HEMK2: variants seen among roughly 807,000 people sequenced by gnomAD.
HEMK2 encodes the protein methyltransferase HEMK2.
At chr21:28,596,037 G>A in the HEMK2 span, among the ~76,000 whole-genome samples, 1 of 147,658 alleles carries the variant, frequency 6.8e-6, no homozygotes, top group African/African-American at 2.5e-5. Context: ...GCCCGCCTTG[G>A]CCTCCCAATA....
the HEMK2 span, among the ~76,000 whole-genome samples, chr21:28,634,062 C>T: frequency 6.6e-6 from 1 of 152,178 alleles, no homozygotes; most frequent in African/African-American, 2.4e-5. Context: ...TGACTGACTG[C>T]CCGTGGCGTC....
chr21:28,778,883 T>C, the HEMK2 span, among the ~76,000 whole-genome samples: 1 of 152,218 alleles, frequency 6.6e-6, no homozygotes, highest in East Asian at 1.9e-4. Flanking sequence ...CTATATATTA[T>C]ATTTCCATCC....
At chr21:28,739,834 A>G in the HEMK2 span, among the ~76,000 whole-genome samples, 2 of 152,234 alleles carry the variant, frequency 1.3e-5, no homozygotes, top group Non-Finnish European at 2.9e-5. Flanking sequence ...AGAAGCCAGG[A>G]AAGAAGGTTA....
the HEMK2 span, among the ~76,000 whole-genome samples, chr21:28,687,926 T>G: frequency 1.3e-5 from 2 of 152,234 alleles, no homozygotes; most frequent in African/African-American, 4.8e-5. Flanking sequence ...CTAGATGCAT[T>G]GTAAGTCTTG....
the HEMK2 span, among the ~76,000 whole-genome samples, chr21:28,687,416 G>C: frequency 6.6e-6 from 1 of 152,152 alleles, no homozygotes; most frequent in Non-Finnish European, 1.5e-5. Flanking sequence ...AGAAACTTAG[G>C]GTTTTGTGGA....
chr21:28,752,610 G>A, the HEMK2 span, among the ~76,000 whole-genome samples: 1 of 152,156 alleles, frequency 6.6e-6, no homozygotes, highest in Non-Finnish European at 1.5e-5. Context: ...GATACTGAGT[G>A]TCCACACACA....
the HEMK2 span, among the ~76,000 whole-genome samples, chr21:28,724,468 G>T: frequency 2.6e-5 from 4 of 152,172 alleles, no homozygotes; most frequent in African/African-American, 9.7e-5. Flanking sequence ...TGAAAGCTAA[G>T]GGGGAAAACC....
chr21:28,744,377 G>A, the HEMK2 span, among the ~76,000 whole-genome samples: 4 of 152,224 alleles, frequency 2.6e-5, no homozygotes, highest in East Asian at 1.9e-4. Flanking sequence ...AATCCAAGTT[G>A]AGTAAAATAG....
the HEMK2 span, among the ~76,000 whole-genome samples, chr21:28,725,282 T>C: frequency 6.6e-6 from 1 of 152,220 alleles, no homozygotes; most frequent in Non-Finnish European, 1.5e-5. Context: ...GCACATCTCT[T>C]GGTTTTGATG....
the HEMK2 span, among the ~76,000 whole-genome samples, chr21:28,632,351 T>C: frequency 1.3e-5 from 2 of 152,190 alleles, no homozygotes; most frequent in African/African-American, 4.8e-5. Flanking sequence ...TTTATCAGAG[T>C]AAGAACTCTA....
At chr21:28,846,980 G>A in the HEMK2 span, among the ~76,000 whole-genome samples, 1 of 152,068 alleles carries the variant, frequency 6.6e-6, no homozygotes, top group East Asian at 1.9e-4. Context: ...TCTTTTTTAT[G>A]GCTGTGTAGT....
chr21:28,744,081 A>G, the HEMK2 span, among the ~76,000 whole-genome samples: 1 of 151,892 alleles, frequency 6.6e-6, no homozygotes, highest in Non-Finnish European at 1.5e-5. Flanking sequence ...ACTGAGGCCT[A>G]CTTGAGGGTG....
chr21:28,600,074 C>T, the HEMK2 span, among the ~76,000 whole-genome samples: 1 of 152,192 alleles, frequency 6.6e-6, no homozygotes, highest in African/African-American at 2.4e-5. Context: ...GTGCACAGTG[C>T]AAGCTGCAGG....
the HEMK2 span, among the ~76,000 whole-genome samples, chr21:28,832,997 T>C: frequency 6.6e-6 from 1 of 152,228 alleles, no homozygotes; most frequent in African/African-American, 2.4e-5. Context: ...CATAACAACC[T>C]AGTAGGTCGG....
the HEMK2 span, among the ~76,000 whole-genome samples, chr21:28,831,747 G>GAAAGAAAGAAAGA: frequency 6.7e-6 from 1 of 148,182 alleles, no homozygotes; most frequent in Non-Finnish European, 1.5e-5. Context: ...AAGAAAGAAA[G>GAAAGAAAGAAAGA]AAAGAAAGAA....
chr21:28,701,559 T>TACACAC, the HEMK2 span, among the ~76,000 whole-genome samples: 59 of 45,778 alleles, frequency 1.3e-3, no homozygotes, highest in South Asian at 2.4e-3. Flanking sequence ...CACACACACA[T>TACACAC]ACACACACAC....
At chr21:28,677,603 A>G in the HEMK2 span, among the ~76,000 whole-genome samples, 1 of 152,254 alleles carries the variant, frequency 6.6e-6, no homozygotes, top group East Asian at 1.9e-4. Context: ...TGCCTCCTCA[A>G]GTGGGTCCCT....
At chr21:28,666,219 A>G in the HEMK2 span, among the ~76,000 whole-genome samples, 101 of 152,292 alleles carry the variant, frequency 6.6e-4, 1 homozygote, top group African/African-American at 2.3e-3. Flanking sequence ...GAAGGAAGGA[A>G]GATTTCTTCT....
the HEMK2 span, among the ~76,000 whole-genome samples, chr21:28,629,887 G>T: frequency 4.6e-5 from 7 of 151,632 alleles, no homozygotes; most frequent in South Asian, 8.3e-4. Context: ...GAGGGAATCA[G>T]TACAGCTTAG....
Sources: gnomAD v4.1 joint callset for allele counts (sites outside exome capture counted in the v4.1 genomes callset) on GRCh38, gnomAD v4.1.1 for gene constraint, MANE v1.5 for transcripts, NCBI Gene and HGNC (gene_info 2026-07-23, HGNC 2026-07-21) for gene names.